NCKAP5: variants seen among roughly 807,000 people sequenced by gnomAD.
NCKAP5 encodes the protein nck-associated protein 5.
NCKAP5 carries 92 observed loss-of-function variants against 167.0 expected under a neutral mutation model. The observed-to-expected ratio is 0.55, with a 90% confidence interval of 0.47 to 0.66. NCKAP5 has a LOEUF of 0.66. NCKAP5 is among the 30% of genes least tolerant of loss of function. The probability of loss-of-function intolerance (pLI) is 0.00; values close to 1 mark genes in which losing one functional copy is unlikely to be tolerated. For synonymous variants in NCKAP5, 891 were observed against 877.4 expected, an observed-to-expected ratio of 1.02 and a Z score of -0.27; for missense variants, 2,378 against 2,315.0, an observed-to-expected ratio of 1.03 and a Z score of -0.56.
At chr2:133,117,895 T>C (rs2082131671) in intron 6 of NCKAP5, 1 of 152,194 alleles carries the variant, frequency 6.6e-6, no homozygotes. Context: ...TGCAAGCGAA[T>C]GATGCAGGCA....
At chr2:132,734,073 A>G (rs1428753416) in intron 16 of NCKAP5, among the ~76,000 whole-genome samples, 1 of 152,168 alleles carries the variant, frequency 6.6e-6, no homozygotes, top group African/African-American at 2.4e-5. Flanking sequence ...CCAGGATTAC[A>G]AGGGTTTTAG....
chr2:133,297,769 G>T (rs1680071643), intron 4 of NCKAP5, among the ~76,000 whole-genome samples: 1 of 152,144 alleles, frequency 6.6e-6, no homozygotes, highest in Admixed American at 6.5e-5. Context: ...AGATCTAGAT[G>T]TTCAGAACTT....
intron 3 of NCKAP5, chr2:133,433,881 T>C (rs971263725): frequency 2.0e-5 from 3 of 152,194 alleles, no homozygotes; most frequent in African/African-American, 7.2e-5. Context: ...TACAGATCTA[T>C]CTAACTTCTT....
chr2:133,501,483 A>C (rs1009527271), intron 3 of NCKAP5, among the ~76,000 whole-genome samples: 2 of 152,232 alleles, frequency 1.3e-5, no homozygotes, highest in African/African-American at 2.4e-5. Flanking sequence ...AAAAAAAAGT[A>C]CTGGAACTTA....
chr2:133,081,296 T>C (rs1465686803), intron 6 of NCKAP5, among the ~76,000 whole-genome samples: 1 of 152,124 alleles, frequency 6.6e-6, no homozygotes, highest in Non-Finnish European at 1.5e-5. Flanking sequence ...TTCAAAAACT[T>C]GAATGCTGAT....
intron 3 of NCKAP5, among the ~76,000 whole-genome samples, chr2:133,355,093 T>TAC (rs1684619592): frequency 6.6e-6 from 1 of 152,242 alleles, no homozygotes; most frequent in South Asian, 2.1e-4. Context: ...GATAAGAGAA[T>TAC]ACAGATATTT....
chr2:133,171,124 G>A (rs866136704), intron 5 of NCKAP5, among the ~76,000 whole-genome samples: 9 of 152,150 alleles, frequency 5.9e-5, no homozygotes, highest in Admixed American at 5.9e-4. Context: ...GAGAGATAAA[G>A]GGAGCATTTT....
At chr2:133,510,900 T>C (rs898315468) in intron 3 of NCKAP5, among the ~76,000 whole-genome samples, 11 of 152,328 alleles carry the variant, frequency 7.2e-5, no homozygotes, top group Middle Eastern at 3.4e-3. Context: ...TAGGGGTAAT[T>C]AGAGTTCCTA....
At chr2:133,627,205 T>C in the NCKAP5 span, among the ~76,000 whole-genome samples, 14,177 of 151,450 alleles carry the variant, frequency 0.094, 761 homozygotes, top group African/African-American at 0.12. Flanking sequence ...CACACCCAAA[T>C]CAATAAGAAA....
At chr2:133,393,880 A>C (rs1471731583) in intron 3 of NCKAP5, among the ~76,000 whole-genome samples, 1 of 152,230 alleles carries the variant, frequency 6.6e-6, no homozygotes, top group African/African-American at 2.4e-5. Context: ...GGAAGGAATC[A>C]AGAAGCAAGC....
intron 6 of NCKAP5, among the ~76,000 whole-genome samples, chr2:133,012,922 A>C (rs1037972561): frequency 3.9e-5 from 6 of 152,110 alleles, no homozygotes; most frequent in African/African-American, 1.4e-4. Context: ...GCACATCTAC[A>C]GGTGCCAGTC....
chr2:133,667,409 C>T, the NCKAP5 span, among the ~76,000 whole-genome samples: 2 of 151,970 alleles, frequency 1.3e-5, no homozygotes, highest in Non-Finnish European at 2.9e-5. Context: ...TGTCATACTC[C>T]CTCCACACCA....
chr2:133,065,222 G>C (rs973540266), intron 6 of NCKAP5, among the ~76,000 whole-genome samples: 1 of 151,538 alleles, frequency 6.6e-6, no homozygotes, highest in East Asian at 2.0e-4. Flanking sequence ...ACATTAGAAG[G>C]AAAAACGACG....
chr2:133,435,490 T>C (rs1237137978), intron 3 of NCKAP5, among the ~76,000 whole-genome samples: 1 of 151,980 alleles, frequency 6.6e-6, no homozygotes, highest in South Asian at 2.1e-4. Flanking sequence ...CTCTACCAGG[T>C]TGGAACGAAG....
chr2:132,693,877 A>G (rs956070837), intron 19 of NCKAP5, among the ~76,000 whole-genome samples: 2 of 151,148 alleles, frequency 1.3e-5, no homozygotes, highest in Admixed American at 1.3e-4. Flanking sequence ...ACATGTCTCT[A>G]CCTCCCAAAG....
At chr2:133,537,334 T>A (rs1445157758) in intron 2 of NCKAP5, among the ~76,000 whole-genome samples, 1 of 152,202 alleles carries the variant, frequency 6.6e-6, no homozygotes, top group Middle Eastern at 3.4e-3. Context: ...AACTTATAAA[T>A]GTCTGCAAAA....
In NCKAP5 at chr2:133,362,012, G is replaced by GA. The variant is rs112037723; in HGVS notation, c.70-58903dup. ...AGAAGCATAAATCTGTTTAAAAAAT[G>GA]AAAAAAAAAACAGTGTAAAAAAGTC... is the stretch of plus-strand genomic sequence containing the variant. On this transcript the variant is annotated intron_variant, in intron 3 of 19. Coordinates refer to ENST00000409261, the MANE Select transcript of NCKAP5 (RefSeq NM_207363.3). Among the ~76,000 whole-genome samples, 1,412 of 146,644 alleles carry GA rather than the reference G, an allele frequency of 9.6e-3. 15 individuals carry two copies. The highest frequency in any genetic ancestry group is 0.037 in the South Asian group (172 of 4,610).
At chr2:133,635,227 G>C in the NCKAP5 span, among the ~76,000 whole-genome samples, 1 of 152,058 alleles carries the variant, frequency 6.6e-6, no homozygotes, top group Non-Finnish European at 1.5e-5. Context: ...AAAAGGAAGG[G>C]GGAATCTACA....
chr2:133,445,326 C>A (rs183574585), intron 3 of NCKAP5, among the ~76,000 whole-genome samples: 11 of 152,140 alleles, frequency 7.2e-5, no homozygotes, highest in African/African-American at 2.6e-4. Flanking sequence ...AAAATAAAAT[C>A]CAAAGCAACT....
Sources: allele counts gnomAD v4.1 joint callset (sites outside exome capture counted in the v4.1 genomes callset), GRCh38; gene constraint gnomAD v4.1.1; transcripts MANE v1.5; gene names NCBI Gene and HGNC (gene_info 2026-07-23, HGNC 2026-07-21).